The following MLLT1 variants were observed in gnomAD, a reference collection of about 807,000 sequenced individuals.
The protein encoded by MLLT1 is protein ENL.
In MLLT1, 11 loss-of-function variants were observed where a neutral mutation model predicts 55.1. The observed-to-expected ratio is 0.20, with a 90% CI of 0.13 to 0.33. The LOEUF is 0.33. Among genes scored for constraint, MLLT1 ranks in the 10% least tolerant of loss-of-function variants. The probability of loss-of-function intolerance (pLI) is 1.00; values close to 1 mark genes in which losing one functional copy is unlikely to be tolerated. For missense variants in MLLT1, 536 were observed against 760.6 expected (o/e 0.70, Z 3.47); for synonymous variants, 323 against 320.1 (o/e 1.01, Z -0.10).
rs1026521069 is a variant in MLLT1, at chr19:6,273,662, A to G, written c.13-2903T>C. Among the ~76,000 whole-genome samples the G allele has an allele frequency of 3.3e-5, 5 of 152,078 alleles. No individual in the cohort carries two copies. Among genetic ancestry groups the G allele is most frequent in the African/African-American group, 1.2e-4 (5 of 41,386 alleles). ...TTTTTCGCTAGAAAACAGGAAGGCA[A>G]CCCCTGTCCCGCTGGGAGCATTACA... is the stretch of plus-strand genomic sequence containing the variant. On this transcript the variant is annotated intron_variant, in intron 1 of 11. Transcript: ENST00000252674. The surrounding 1 kb of genome is among the most constrained non-coding windows in gnomAD (Gnocchi z 4.3).
At chr19:6,224,675 G>A (rs2090936560) in intron 5 of MLLT1, among the ~76,000 whole-genome samples, 1 of 152,346 alleles carries the variant, frequency 6.6e-6, no homozygotes, top group East Asian at 1.9e-4. Context: ...CAGGAGCACA[G>A]GCACCCGACA....
intron 1 of MLLT1, among the ~76,000 whole-genome samples, chr19:6,275,467 G>A (rs2091423013): frequency 6.6e-6 from 1 of 152,168 alleles, no homozygotes; most frequent in South Asian, 2.1e-4. Flanking sequence ...ACCCCCTGCG[G>A]AATCTTCTCC....
chr19:6,240,000 G>A (rs2091100267), intron 3 of MLLT1, among the ~76,000 whole-genome samples: 1 of 152,110 alleles, frequency 6.6e-6, no homozygotes, highest in African/African-American at 2.4e-5. Flanking sequence ...AGGAGTCAGA[G>A]GACTCCTGGA....
At chr19:6,261,871 T>G (rs921640902) in intron 3 of MLLT1, among the ~76,000 whole-genome samples, 11 of 152,158 alleles carry the variant, frequency 7.2e-5, no homozygotes, top group South Asian at 6.2e-4. Flanking sequence ...TATTTCCTGA[T>G]CTCAGTCACT....
At chr19:6,278,146 T>G (rs2091436663) in intron 1 of MLLT1, among the ~76,000 whole-genome samples, 1 of 152,148 alleles carries the variant, frequency 6.6e-6, no homozygotes, top group South Asian at 2.1e-4. Context: ...CGCCCCAACC[T>G]GCCCTCTCTA....
intron 5 of MLLT1, among the ~76,000 whole-genome samples, chr19:6,225,605 T>G (rs1230500470): frequency 1.3e-5 from 2 of 152,158 alleles, no homozygotes; most frequent in Admixed American, 1.3e-4. Flanking sequence ...AGATGCCGCC[T>G]ACATCTCTCC....
chr19:6,258,412 G>A (rs1258009788), intron 3 of MLLT1, among the ~76,000 whole-genome samples: 1 of 152,138 alleles, frequency 6.6e-6, no homozygotes, highest in Non-Finnish European at 1.5e-5. Context: ...ACAGCAGAAA[G>A]GTTGAGCTGC....
At position 6,270,454 on chromosome 19, in the gene MLLT1, C is replaced by A; in HGVS notation, c.193+125G>T. ...GCTCCAGTGCCCCCACGCCGAGGGA[C>A]GCAAGCTGGAACCTCATGGTTGGAG... On this transcript the variant is annotated intron_variant, in intron 2 of 11. Coordinates refer to ENST00000252674, the MANE Select transcript of MLLT1 (RefSeq NM_005934.4). The surrounding 1 kb of genome is among the most constrained non-coding windows in gnomAD (Gnocchi z 7.1). The A allele has an allele frequency of 9.7e-7, 1 of 1,030,242 alleles. No individual in the cohort carries two copies. Among genetic ancestry groups the A allele is most frequent in the Non-Finnish European group, 1.4e-6 (1 of 726,240 alleles). 63.8% of individuals were successfully genotyped at this position (1,030,242 alleles called of 1,614,324 possible). A position where few individuals can be genotyped will look rare whatever the true frequency, so the allele number is the denominator to read the frequency against.
intron 3 of MLLT1, among the ~76,000 whole-genome samples, chr19:6,254,996 A>C (rs1021422492): frequency 1.3e-5 from 2 of 151,804 alleles, no homozygotes; most frequent in South Asian, 2.1e-4. Context: ...AAAAAAAACA[A>C]CACCCTACTA....
chr19:6,252,272 T>C (rs1232906737), intron 3 of MLLT1, among the ~76,000 whole-genome samples: 1 of 152,176 alleles, frequency 6.6e-6, no homozygotes, highest in East Asian at 1.9e-4. Context: ...TACAGCAGGG[T>C]TTCTCTGCTG....
At chr19:6,271,194 G>A (rs2091392778) in intron 1 of MLLT1, among the ~76,000 whole-genome samples, 1 of 152,034 alleles carries the variant, frequency 6.6e-6, no homozygotes, top group South Asian at 2.1e-4. Context: ...ATCCACCACC[G>A]CTCCCATCAC....
chr19:6,233,470 C>T (rs2091031560), intron 3 of MLLT1, among the ~76,000 whole-genome samples: 1 of 152,214 alleles, frequency 6.6e-6, no homozygotes, highest in South Asian at 2.1e-4. Context: ...GGAGGTGTGA[C>T]CTGTCTGGGC....
At chr19:6,233,227 G>A (rs1342770035) in intron 3 of MLLT1, among the ~76,000 whole-genome samples, 1 of 152,238 alleles carries the variant, frequency 6.6e-6, no homozygotes, top group African/African-American at 2.4e-5. Context: ...GGCGCCTCCT[G>A]GGAGTCGGGG....
chr19:6,257,679 T>C (rs771868786), intron 3 of MLLT1, among the ~76,000 whole-genome samples: 1 of 152,002 alleles, frequency 6.6e-6, no homozygotes, highest in Non-Finnish European at 1.5e-5. Flanking sequence ...CGGGAGTCTA[T>C]AATTCCAGCT....
At chr19:6,248,330 T>C (rs1286010606) in intron 3 of MLLT1, among the ~76,000 whole-genome samples, 2 of 152,220 alleles carry the variant, frequency 1.3e-5, no homozygotes, top group East Asian at 3.8e-4. Context: ...CTGTAGTGTT[T>C]TTAACCTACG....
rs1431002294 is a variant in MLLT1 at position 6,222,944 on chromosome 19, C to G, written c.547-260G>C. Among the ~76,000 whole-genome samples the G allele has an allele frequency of 1.3e-5, 2 of 152,202 alleles. No homozygotes were observed. The highest frequency in any genetic ancestry group is 2.9e-5 in the Non-Finnish European group (2 of 68,026). ...TTCCCCTCAGAATTGAACTGACATT[C>G]CCTGAGGGATTCAAGAAGAGCACAG... On this transcript the variant is annotated intron_variant, in intron 5 of 11. Transcript: ENST00000252674. This position sits in a 1 kb window ranked among gnomAD's most constrained non-coding sequence, Gnocchi z 4.1.
At chr19:6,249,484 G>A (rs1250682519) in intron 3 of MLLT1, among the ~76,000 whole-genome samples, 1 of 152,138 alleles carries the variant, frequency 6.6e-6, no homozygotes, top group Non-Finnish European at 1.5e-5. Context: ...ATTCATCCGG[G>A]CCACTGCCTT....
At chr19:6,214,757 A>ACAAC (rs2090822247) in intron 8 of MLLT1, among the ~76,000 whole-genome samples, 1 of 152,164 alleles carries the variant, frequency 6.6e-6, no homozygotes, top group Admixed American at 6.5e-5. Flanking sequence ...GGGGCCCCTG[A>ACAAC]CAACCATCAC....
chr19:6,212,847 C>T lies in MLLT1; in HGVS notation c.*195G>A. On this transcript the variant is annotated 3_prime_UTR_variant, in exon 12 of 12. Transcript: ENST00000252674. ...GCGGCTCCCGTGTGGCCCAGCCCGGCCCCAGGGCTCCTGGCGATGGAGCGG... is the reference window on the plus strand; with the variant it reads ...GCGGCTCCCGTGTGGCCCAGCCCGGTCCCAGGGCTCCTGGCGATGGAGCGG... 1 of 938,310 alleles carries T rather than the reference C, an allele frequency of 1.1e-6. No individual in the cohort carries two copies. Among genetic ancestry groups the T allele is most frequent in the Non-Finnish European group, 1.5e-6 (1 of 665,264 alleles). The allele number at this position is 938,310 out of a possible 1,614,324, so 58.1% of individuals were successfully genotyped here.
Sources: gnomAD v4.1 joint callset for allele counts (sites outside exome capture counted in the v4.1 genomes callset) on GRCh38, gnomAD v4.1.1 for gene constraint, Gnocchi (gnomAD v3.1) non-coding constraint, MANE v1.5 for transcripts, NCBI Gene and HGNC (gene_info 2026-07-23, HGNC 2026-07-21) for gene names.